Variants in ACER3 observed in about 807,000 individuals in gnomAD.
ACER3 encodes the protein alkaline ceramidase 3.
A neutral mutation model predicts 48.9 loss-of-function variants in ACER3; 16 were observed. The ratio of observed to expected loss-of-function variants is 0.33; its 90% CI spans 0.22 to 0.50. ACER3 has a LOEUF of 0.50. Ranked by LOEUF, ACER3 falls within the 20% of genes least tolerant of loss-of-function variation. The probability of loss-of-function intolerance (pLI) is 0.98; values close to 1 mark genes in which losing one functional copy is unlikely to be tolerated. For missense variants in ACER3, 227 were observed against 326.0 expected (o/e 0.70, Z 2.34); for synonymous variants, 109 against 107.8 (o/e 1.01, Z -0.07).
At chr11:76,949,380 T>G (rs766426911) in intron 2 of ACER3, among the ~76,000 whole-genome samples, 2 of 152,176 alleles carry the variant, frequency 1.3e-5, no homozygotes, top group Non-Finnish European at 2.9e-5. Flanking sequence ...TTTCTACAGA[T>G]ATGAATTTTA....
rs951148695 is a variant in ACER3 at position 77,024,365 on chromosome 11, T to G, written c.*4038T>G. 3.3e-5 allele frequency: 5 copies of G among 151,278 alleles called. No individual in the cohort carries two copies. The highest frequency in any genetic ancestry group is 2.0e-4 in the Admixed American group (3 of 15,084). The allele number at this position is 151,278 out of a possible 1,614,324, so 9.4% of individuals were successfully genotyped here. On this transcript the variant is annotated 3_prime_UTR_variant, in exon 11 of 11. Transcript: ENST00000532485. Reference sequence around the variant, plus strand: ...TTGCTACATGGGGGAGCTGCTGGTGTTGTTGAGGTCCTTGGGAGCATTCCA... The same window carrying G: ...TTGCTACATGGGGGAGCTGCTGGTGGTGTTGAGGTCCTTGGGAGCATTCCA...
intron 1 of ACER3, among the ~76,000 whole-genome samples, chr11:76,870,043 G>T (rs368732957): frequency 6.7e-6 from 1 of 149,388 alleles, no homozygotes. Flanking sequence ...TTTATTTTCC[G>T]TAGAGATGAG....
In ACER3 at chr11:77,019,741, A is replaced by C. The variant is rs1156618157; in HGVS notation, c.715A>C (p.Arg239=). 2 of 1,614,088 alleles carry C rather than the reference A, an allele frequency of 1.2e-6. No individual in the cohort carries two copies. Among genetic ancestry groups the C allele is most frequent in the Non-Finnish European group, 1.7e-6 (2 of 1,179,978 alleles). ...CCACTTTTCTTTCAGTTTGTATACA[A>C]GAACACTTTACCTGAGATATAGGCC... ...YLHILFSLYT[R]TLYLRYRPKV... The change falls in exon 10 of 11, where the codon AGA becomes CGA. Residue 239 remains arginine (R), a synonymous_variant. Transcript: ENST00000532485.
Position 77,020,577 on chromosome 11 carries a change from G to A in ACER3, c.*250G>A. The A allele has an allele frequency of 2.2e-6, 1 of 453,200 alleles. No homozygotes were observed. The highest frequency in any genetic ancestry group is 3.7e-5 in the Admixed American group (1 of 27,024). 28.1% of individuals were successfully genotyped at this position (453,200 alleles called of 1,614,324 possible). Reference sequence around the variant, plus strand: ...GTTTATAAAGAAACAGAGATGATGTGTGTGTATGCCTCAAATGCAGAAACA... The same window carrying A: ...GTTTATAAAGAAACAGAGATGATGTATGTGTATGCCTCAAATGCAGAAACA... On this transcript the variant is annotated 3_prime_UTR_variant, in exon 11 of 11. Coordinates refer to ENST00000532485, the MANE Select transcript of ACER3 (RefSeq NM_018367.7).
At chr11:76,959,143 G>T in intron 3 of ACER3, 112 bp downstream of exon 3, 3 of 1,566,296 alleles carry the variant, frequency 1.9e-6, no homozygotes, top group Non-Finnish European at 2.6e-6. Context: ...AATCTCTGGA[G>T]TTTTTTACTT....
chr11:76,971,238 G>C (rs1948290253), intron 3 of ACER3, among the ~76,000 whole-genome samples: 1 of 152,046 alleles, frequency 6.6e-6, no homozygotes, highest in African/African-American at 2.4e-5. Context: ...TCAATGATTT[G>C]AGTCTATAAA....
In ACER3 at chr11:76,896,397, G is replaced by A. The variant is rs540209336; in HGVS notation, c.104-30160G>A. ...TAGTGGGGTGGGCCTGGTGGCTCAC[G>A]CCTGTAATCTCAGCACTTTGGGAAG... On this transcript the variant is annotated intron_variant, in intron 1 of 10. Transcript: ENST00000532485. 4.6e-5 allele frequency among the ~76,000 whole-genome samples: 7 copies of A among 150,738 alleles called. No individual in the cohort carries two copies. In the East Asian group the frequency reaches 1.4e-3, roughly 29 times the overall value.
intron 4 of ACER3, among the ~76,000 whole-genome samples, chr11:76,982,082 G>A (rs1043411127): frequency 2.6e-5 from 4 of 151,858 alleles, no homozygotes; most frequent in Non-Finnish European, 4.4e-5. Context: ...ATTCTAGTGA[G>A]TATGATATAC....
intron 7 of ACER3, among the ~76,000 whole-genome samples, chr11:77,008,344 T>C (rs949069254): frequency 4.6e-5 from 7 of 152,206 alleles, no homozygotes; most frequent in Non-Finnish European, 8.8e-5. Context: ...GTCCTTGACT[T>C]AAATCAAGTC....
At chr11:76,861,920 A>C (rs1211527768) in intron 1 of ACER3, among the ~76,000 whole-genome samples, 1 of 152,210 alleles carries the variant, frequency 6.6e-6, no homozygotes, top group Non-Finnish European at 1.5e-5. Flanking sequence ...ACTGCTGGTC[A>C]GGTTGGGCTT....
At position 76,980,113 on chromosome 11, in the gene ACER3, G is replaced by A. The variant is rs550612967; in HGVS notation, c.320+3772G>A. On this transcript the variant is annotated intron_variant, in intron 4 of 10. Transcript: ENST00000532485. ...TGATTGTGCCACTGCACTTCAGCCTGGGAAACAGAGGGAGACCCTGTCTCA... is the reference window on the plus strand; with the variant it reads ...TGATTGTGCCACTGCACTTCAGCCTAGGAAACAGAGGGAGACCCTGTCTCA... 6.6e-5 allele frequency among the ~76,000 whole-genome samples: 10 copies of A among 152,136 alleles called. No individual in the cohort carries two copies. In the East Asian group the frequency reaches 1.9e-3, roughly 29 times the overall value.
rs1390417534 is a variant in ACER3, at chr11:77,024,505, A to C, written c.*4178A>C. On this transcript the variant is annotated 3_prime_UTR_variant, in exon 11 of 11. Transcript: ENST00000532485. ...GATAAAACTCTGACTTTGGAGTATA[A>C]ACTTTTGCCTTGAGTATGAAACCTT... 6.6e-6 allele frequency: 1 copy of C among 152,128 alleles called. No individual in the cohort carries two copies. The highest frequency in any genetic ancestry group is 1.5e-5 in the Non-Finnish European group (1 of 68,034). The allele number at this position is 152,128 out of a possible 1,614,324, so 9.4% of individuals were successfully genotyped here. A position where few individuals can be genotyped will look rare whatever the true frequency, so the allele number is the denominator to read the frequency against.
chr11:76,881,879 C>T (rs958970320), intron 1 of ACER3, among the ~76,000 whole-genome samples: 25 of 151,784 alleles, frequency 1.6e-4, no homozygotes, highest in African/African-American at 4.8e-4. Flanking sequence ...AAACTTTGAT[C>T]GTTATGTATT....
chr11:77,018,906 A>G (rs1949422163), intron 9 of ACER3, among the ~76,000 whole-genome samples: 1 of 152,258 alleles, frequency 6.6e-6, no homozygotes, highest in South Asian at 2.1e-4. Context: ...AAGCTGCAGC[A>G]AGTTATCCAG....
At chr11:76,952,824 C>G (rs1356611166) in intron 2 of ACER3, among the ~76,000 whole-genome samples, 1 of 151,722 alleles carries the variant, frequency 6.6e-6, no homozygotes, top group Non-Finnish European at 1.5e-5. Flanking sequence ...TGTCACCACA[C>G]CTGGCTAATT....
intron 3 of ACER3, 124 bp from the exon 4 acceptor site, chr11:76,976,165 G>A (rs2076691881): frequency 2.7e-6 from 2 of 732,968 alleles, no homozygotes; most frequent in Non-Finnish European, 4.6e-6. Context: ...GGGATTACAG[G>A]TGTGAGCCTC....
chr11:76,952,133 T>TAC (rs1467450969), intron 2 of ACER3, among the ~76,000 whole-genome samples: 1 of 99,370 alleles, frequency 1.0e-5, no homozygotes, highest in Non-Finnish European at 2.5e-5. Context: ...ATATTATATA[T>TAC]ATATATACAC....
At chr11:76,987,154 T>C (rs1306491070) in intron 5 of ACER3, among the ~76,000 whole-genome samples, 1 of 152,226 alleles carries the variant, frequency 6.6e-6, no homozygotes, top group Non-Finnish European at 1.5e-5. Context: ...TTTAGAAAGA[T>C]TGCTCTGGTT....
At chr11:76,959,157 G>T in intron 3 of ACER3, 126 bp downstream of exon 3, 1 of 1,546,588 alleles carries the variant, frequency 6.5e-7, no homozygotes, top group Non-Finnish European at 8.7e-7. Context: ...TTTACTTCAA[G>T]TCTGAGGATC....
Sources: allele counts gnomAD v4.1 joint callset (sites outside exome capture counted in the v4.1 genomes callset), GRCh38; gene constraint gnomAD v4.1.1; transcripts MANE v1.5; gene names NCBI Gene and HGNC (gene_info 2026-07-23, HGNC 2026-07-21).